COX7B2: variants seen among roughly 807,000 people sequenced by gnomAD.
COX7B2 encodes cytochrome c oxidase subunit 7B2.
For missense variants in COX7B2, 109 were observed against 95.9 expected (o/e 1.14, Z -0.57); for synonymous variants, 37 against 32.1 (o/e 1.15, Z -0.51).
At chr4:46,842,016 A>G (rs909648772) in intron 2 of COX7B2, among the ~76,000 whole-genome samples, 8 of 152,060 alleles carry the variant, frequency 5.3e-5, no homozygotes, top group Admixed American at 5.2e-4. Context: ...ATGGTGGATT[A>G]GAAGGATGCA....
At chr4:46,754,724 G>GTATATATATATATATATATATATATA (rs776374967) in intron 2 of COX7B2, among the ~76,000 whole-genome samples, 2 of 46,826 alleles carry the variant, frequency 4.3e-5, no homozygotes, top group African/African-American at 1.8e-4. Flanking sequence ...GTGTGTGTGT[G>GTATATATATATATATATATATATATA]TGTGTATATA....
chr4:46,904,383 C>CA (rs893967443), intron 1 of COX7B2, among the ~76,000 whole-genome samples: 7 of 151,202 alleles, frequency 4.6e-5, no homozygotes, highest in Admixed American at 2.6e-4. Context: ...TAAAAATGGT[C>CA]AAAAAAAATG....
chr4:46,840,425 C>T (rs1715853985), intron 2 of COX7B2, among the ~76,000 whole-genome samples: 1 of 151,882 alleles, frequency 6.6e-6, no homozygotes, highest in African/African-American at 2.4e-5. Flanking sequence ...TTAAATAAGC[C>T]ACAAGAACTC....
At chr4:46,907,036 C>G (rs1030546701) in intron 1 of COX7B2, among the ~76,000 whole-genome samples, 3 of 152,212 alleles carry the variant, frequency 2.0e-5, no homozygotes, top group Non-Finnish European at 4.4e-5. Context: ...CATCCCTTAA[C>G]AGTGACTTCT....
At chr4:46,759,527 T>TG (rs1251603111) in intron 2 of COX7B2, among the ~76,000 whole-genome samples, 1 of 151,680 alleles carries the variant, frequency 6.6e-6, no homozygotes, top group Non-Finnish European at 1.5e-5. Flanking sequence ...CATCAAAAAG[T>TG]GGGCAAAGGA....
At chr4:46,906,742 T>C (rs1720415579) in intron 1 of COX7B2, among the ~76,000 whole-genome samples, 1 of 152,242 alleles carries the variant, frequency 6.6e-6, no homozygotes, top group South Asian at 2.1e-4. Context: ...AAACACATAT[T>C]TTCCCCTCTT....
intron 1 of COX7B2, among the ~76,000 whole-genome samples, chr4:46,901,733 TGA>T (rs1256444682): frequency 1.3e-5 from 2 of 152,178 alleles, no homozygotes; most frequent in African/African-American, 4.8e-5. Context: ...CAGAGAAGGG[TGA>T]GCCAACTCTC....
At chr4:46,762,646 G>A (rs867683482) in intron 2 of COX7B2, among the ~76,000 whole-genome samples, 28 of 149,144 alleles carry the variant, frequency 1.9e-4, no homozygotes, top group African/African-American at 3.2e-4. Flanking sequence ...ATATTTGAGC[G>A]TATTGTCCAT....
intron 2 of COX7B2, among the ~76,000 whole-genome samples, chr4:46,782,415 A>C (rs11727888): frequency 6.2e-5 from 2 of 32,238 alleles, no homozygotes; most frequent in African/African-American, 2.0e-4. Context: ...GTGCCTAGCT[A>C]AAGGATTGTA....
chr4:46,839,313 T>C (rs1388065993), intron 2 of COX7B2, among the ~76,000 whole-genome samples: 3 of 152,008 alleles, frequency 2.0e-5, no homozygotes, highest in Admixed American at 6.6e-5. Flanking sequence ...ACTGCCCTCA[T>C]TGTTACAGCT....
chr4:46,804,401 C>G (rs1718860960), intron 2 of COX7B2, among the ~76,000 whole-genome samples: 1 of 152,156 alleles, frequency 6.6e-6, no homozygotes, highest in South Asian at 2.1e-4. Context: ...GTCCATTTTA[C>G]AAAGAGCCGA....
chr4:46,817,069 A>G (rs534989082), intron 2 of COX7B2, among the ~76,000 whole-genome samples: 1 of 152,338 alleles, frequency 6.6e-6, no homozygotes, highest in South Asian at 2.1e-4. Context: ...ACATACAAGA[A>G]AAAAGAGGAT....
chr4:46,858,602 T>C (rs1442161492), intron 1 of COX7B2, among the ~76,000 whole-genome samples: 3 of 152,174 alleles, frequency 2.0e-5, no homozygotes, highest in South Asian at 2.1e-4. Context: ...TTGGTGAAGG[T>C]TGAGACCCCG....
chr4:46,811,622 G>A (rs1719289534), intron 2 of COX7B2, among the ~76,000 whole-genome samples: 3 of 151,866 alleles, frequency 2.0e-5, no homozygotes, highest in African/African-American at 4.8e-5. Context: ...TCCTTTTTAG[G>A]CAATTTGTAA....
At chr4:46,763,577 T>A (rs11945451) in intron 2 of COX7B2, among the ~76,000 whole-genome samples, 49,878 of 151,894 alleles carry the variant, frequency 0.33, 8,450 homozygotes, top group South Asian at 0.47. Context: ...TTTAGCCCTT[T>A]TTTCATCACG....
intron 2 of COX7B2, among the ~76,000 whole-genome samples, chr4:46,768,683 G>C (rs1716694412): frequency 6.6e-6 from 1 of 151,932 alleles, no homozygotes; most frequent in Non-Finnish European, 1.5e-5. Flanking sequence ...CAAGGAACCA[G>C]AACAAGAATA....
intron 2 of COX7B2, among the ~76,000 whole-genome samples, chr4:46,765,381 G>A (rs891135170): frequency 6.6e-6 from 1 of 152,108 alleles, no homozygotes; most frequent in East Asian, 1.9e-4. Flanking sequence ...GCATGTGTAC[G>A]CCAGTGAATC....
chr4:46,830,253 T>G (rs1053974275), intron 2 of COX7B2, among the ~76,000 whole-genome samples: 3 of 144,850 alleles, frequency 2.1e-5, no homozygotes, highest in African/African-American at 7.7e-5. Flanking sequence ...GAACCCAGTA[T>G]GTGGAGGTTG....
intron 1 of COX7B2, among the ~76,000 whole-genome samples, chr4:46,848,191 T>C (rs1716418844): frequency 6.6e-6 from 1 of 152,108 alleles, no homozygotes; most frequent in Non-Finnish European, 1.5e-5. Flanking sequence ...TCACTGTTTA[T>C]GAGGCTTTGA....
Sources: allele counts gnomAD v4.1 joint callset (sites outside exome capture counted in the v4.1 genomes callset), GRCh38; gene constraint gnomAD v4.1.1; transcripts MANE v1.5; gene names NCBI Gene and HGNC (gene_info 2026-07-23, HGNC 2026-07-21).